Variants in DNAJC10 observed in about 807,000 individuals in gnomAD.
DNAJC10 encodes the protein endoplasmic reticulum disulfide reductase DNAJC10.
In DNAJC10, 101 loss-of-function variants were observed where a neutral mutation model predicts 115.0. That is an observed-to-expected ratio of 0.88 (90% CI 0.75 to 1.04). The LOEUF (loss-of-function observed/expected upper bound fraction) is 1.04, where lower values mean the gene tolerates loss of function less well. DNAJC10 is among the 50% of genes least tolerant of loss of function. The pLI, the probability that DNAJC10 is intolerant of heterozygous loss-of-function variation, is 0.00. For missense variants in DNAJC10, 981 were observed against 928.8 expected (o/e 1.06, Z -0.73); for synonymous variants, 307 against 301.5 (o/e 1.02, Z -0.19).
Position 182,740,322 on chromosome 2 carries a change from AGAAAT to A in DNAJC10, c.1012_1016del (p.Glu338IlefsTer7). ...AGTTTCTCAACTCATTGGATGCTAA[AGAAAT>A]ATATTTGGAAGTAATACATAATCTT... On this transcript the variant is annotated frameshift_variant, in exon 12 of 24. Transcript: ENST00000264065. LOFTEE classifies it high-confidence loss of function. The A allele has an allele frequency of 6.6e-7, 1 of 1,521,062 alleles. No individual in the cohort carries two copies. Among genetic ancestry groups the A allele is most frequent in the Non-Finnish European group, 8.9e-7 (1 of 1,123,212 alleles). 94.2% of individuals were successfully genotyped at this position (1,521,062 alleles called of 1,614,324 possible).
intron 16 of DNAJC10, chr2:182,754,778 G>T (rs1425394885): frequency 7.9e-7 from 1 of 1,258,632 alleles, no homozygotes. Context: ...TTCTCATGGC[G>T]AATGGAGCAG....
At position 182,787,358 on chromosome 2, in the gene DNAJC10, G is replaced by C. The variant is rs1025865415; in HGVS notation, c.*10226G>C. ...TGGAAGAAAATAGGGTGGGCCTACT[G>C]TCTCTTCCCACTGTTTACCTGGTGT... On this transcript the variant is annotated 3_prime_UTR_variant, in exon 24 of 24. Transcript: ENST00000264065. The C allele has an allele frequency of 2.0e-5, 3 of 152,182 alleles. No homozygotes were observed. Among genetic ancestry groups the C allele is most frequent in the Non-Finnish European group, 4.4e-5 (3 of 68,060 alleles). The allele number at this position is 152,182 out of a possible 1,614,324, so 9.4% of individuals were successfully genotyped here.
At chr2:182,729,994 T>A in intron 8 of DNAJC10, 53 bp downstream of exon 8, 1 of 1,294,146 alleles carries the variant, frequency 7.7e-7, no homozygotes, top group Non-Finnish European at 1.1e-6. Flanking sequence ...GAAATCAGTA[T>A]TTTGTTTTTA....
chr2:182,758,227 G>C (rs1694205635), intron 19 of DNAJC10, among the ~76,000 whole-genome samples: 1 of 152,094 alleles, frequency 6.6e-6, no homozygotes, highest in African/African-American at 2.4e-5. Flanking sequence ...CCAAGGTCTA[G>C]GAGTTATCTA....
rs746342102 is a variant in DNAJC10 at position 182,759,187 on chromosome 2, A to G, written c.2025A>G (p.Leu675=). The G allele has an allele frequency of 3.1e-6, 5 of 1,601,396 alleles. No individual in the cohort carries two copies. Among genetic ancestry groups the G allele is most frequent in the Admixed American group, 3.6e-5 (2 of 55,862 alleles). The stretch of plus-strand genomic sequence containing the variant: ...TTTTACCTCAAGTATCCACAGATCT[A>G]ACACCTCAGACTTTCAGTGAAAAAG... The part of the protein sequence containing the change: ...LGFLPQVSTD[L]TPQTFSEKVL... Residue 675 remains leucine (L), a synonymous_variant, in exon 21 of 24, where the codon CTA becomes CTG. Coordinates refer to ENST00000264065, the MANE Select transcript of DNAJC10 (RefSeq NM_018981.4).
rs1477523005 is a variant in DNAJC10, at chr2:182,784,196, G to A, written c.*7064G>A. ...ACAAAAACTAGCTGGGCATGGAGGTGTGTGCCTGTAATCATCTACCCTGGA... is the reference window on the plus strand; with the variant it reads ...ACAAAAACTAGCTGGGCATGGAGGTATGTGCCTGTAATCATCTACCCTGGA... On this transcript the variant is annotated 3_prime_UTR_variant, in exon 24 of 24. Transcript: ENST00000264065. 1.3e-5 allele frequency: 2 copies of A among 152,028 alleles called. No individual in the cohort carries two copies. Among genetic ancestry groups the A allele is most frequent in the Non-Finnish European group, 2.9e-5 (2 of 68,010 alleles). The allele number at this position is 152,028 out of a possible 1,614,324, so 9.4% of individuals were successfully genotyped here. A position where few individuals can be genotyped will look rare whatever the true frequency, so the allele number is the denominator to read the frequency against.
At chr2:182,773,439 C>T (rs541048707) in intron 22 of DNAJC10, among the ~76,000 whole-genome samples, 11 of 152,262 alleles carry the variant, frequency 7.2e-5, no homozygotes, top group Middle Eastern at 3.4e-3. Context: ...AACTTGGTTC[C>T]ATTCTCCCCA....
intron 3 of DNAJC10, among the ~76,000 whole-genome samples, chr2:182,719,646 A>C (rs1693094294): frequency 6.6e-6 from 1 of 152,010 alleles, no homozygotes; most frequent in Non-Finnish European, 1.5e-5. Context: ...AAATGTATTG[A>C]TTTATAATTG....
rs910517492 is a variant in DNAJC10, at chr2:182,779,312, G to C, written c.*2180G>C. ...ATACAGTAGATAGAGCACCTCTAAG[G>C]AGTACCAGGTATAATGTGCCATTTC... is the stretch of plus-strand genomic sequence containing the variant. On this transcript the variant is annotated 3_prime_UTR_variant, in exon 24 of 24. Transcript: ENST00000264065. The C allele has an allele frequency of 6.6e-6, 1 of 152,174 alleles. No individual in the cohort carries two copies. Among genetic ancestry groups the C allele is most frequent in the African/African-American group, 2.4e-5 (1 of 41,434 alleles). The allele number at this position is 152,174 out of a possible 1,614,324, so 9.4% of individuals were successfully genotyped here.
rs762217677 is a variant in DNAJC10 at position 182,788,793 on chromosome 2, C to A, written c.*11661C>A. 3 of 455,712 alleles carry A rather than the reference C, an allele frequency of 6.6e-6. No individual in the cohort carries two copies. The highest frequency in any genetic ancestry group is 4.7e-5 in the South Asian group (3 of 64,022). The allele number at this position is 455,712 out of a possible 1,614,324, so 28.2% of individuals were successfully genotyped here. A position where few individuals can be genotyped will look rare whatever the true frequency, so the allele number is the denominator to read the frequency against. On this transcript the variant is annotated 3_prime_UTR_variant, in exon 24 of 24. Coordinates refer to ENST00000264065, the MANE Select transcript of DNAJC10 (RefSeq NM_018981.4). ...GAAGTTTTCTAAAATGGACTTCAAG[C>A]TCTATGACTTTATGATCACTTAGTA... is the stretch of plus-strand genomic sequence containing the variant.
rs1339925622 is a variant in DNAJC10 at position 182,758,829 on chromosome 2, TCTCTC to T, written c.1944-7_1944-3del. ...CCTATTTACAACTAACATTTTTTCTTCTCTCAGCAGTTACAATGGTTGGAATAGGG... is the reference window on the plus strand; with the variant it reads ...CCTATTTACAACTAACATTTTTTCTTAGCAGTTACAATGGTTGGAATAGGG... On this transcript the variant is annotated splice_polypyrimidine_tract_variant and splice_region_variant and intron_variant, in intron 19 of 23. Coordinates refer to ENST00000264065, the MANE Select transcript of DNAJC10 (RefSeq NM_018981.4). 6.2e-7 allele frequency: 1 copy of T among 1,600,360 alleles called. No homozygotes were observed. The highest frequency in any genetic ancestry group is 8.6e-7 in the Non-Finnish European group (1 of 1,168,148).
At chr2:182,733,523 T>TA (rs1433719561) in intron 10 of DNAJC10, among the ~76,000 whole-genome samples, 9 of 151,696 alleles carry the variant, frequency 5.9e-5, no homozygotes, top group Non-Finnish European at 1.2e-4. Context: ...ATTTTTTTTT[T>TA]AATATTTGGT....
intron 10 of DNAJC10, among the ~76,000 whole-genome samples, chr2:182,733,929 A>C (rs140017189): frequency 1.3e-3 from 195 of 151,220 alleles, no homozygotes; most frequent in African/African-American, 4.6e-3. Context: ...ATAATATCCT[A>C]TTTTTTTATA....
rs903491001 is a variant in DNAJC10, at chr2:182,784,856, G to T, written c.*7724G>T. 1.3e-5 allele frequency: 2 copies of T among 152,086 alleles called. No individual in the cohort carries two copies. The highest frequency in any genetic ancestry group is 1.3e-4 in the Admixed American group (2 of 15,256). The allele number at this position is 152,086 out of a possible 1,614,324, so 9.4% of individuals were successfully genotyped here. ...ATCCCTCTGATAGGCTTCCCTGAAG[G>T]ATTTTAAGCAGAAATAACATCAGGT... On this transcript the variant is annotated 3_prime_UTR_variant, in exon 24 of 24. Transcript: ENST00000264065.
At position 182,729,888 on chromosome 2, in the gene DNAJC10, T is replaced by G; in HGVS notation, c.674T>G (p.Leu225Ter). The G allele has an allele frequency of 6.2e-7, 1 of 1,611,190 alleles. No homozygotes were observed. Among genetic ancestry groups the G allele is most frequent in the Non-Finnish European group, 8.5e-7 (1 of 1,178,716 alleles). Residue 225 changes from leucine (L) to a stop codon, truncating the protein, a stop_gained, in exon 8 of 24, where the codon TTA (leucine) becomes TGA (stop). Coordinates refer to ENST00000264065, the MANE Select transcript of DNAJC10 (RefSeq NM_018981.4). LOFTEE classifies it high-confidence loss of function. ...CATGGAGACAGATCAAAGGAGAGTT[T>G]AGTGAGTTTTGCAATGCAGCATGTT... ...KYHGDRSKES[L>*]VSFAMQHVRS...
intron 2 of DNAJC10, among the ~76,000 whole-genome samples, chr2:182,717,573 G>A (rs1693026298): frequency 1.3e-5 from 2 of 152,172 alleles, no homozygotes; most frequent in African/African-American, 4.8e-5. Context: ...GCTTTAGGAG[G>A]TAAAGAAGTA....
intron 16 of DNAJC10, among the ~76,000 whole-genome samples, chr2:182,754,193 C>G (rs958848072): frequency 6.6e-6 from 1 of 152,114 alleles, no homozygotes; most frequent in East Asian, 1.9e-4. Context: ...GCTATAATTG[C>G]TTTGTTAATC....
At position 182,778,320 on chromosome 2, in the gene DNAJC10, A is replaced by AT. The variant is rs1694762719; in HGVS notation, c.*1193dup. ...AAATATTGACATAATAACTGAAGTT[A>AT]TTTTTATAAGAAAATCAAGTATATA... On this transcript the variant is annotated 3_prime_UTR_variant, in exon 24 of 24. Coordinates refer to ENST00000264065, the MANE Select transcript of DNAJC10 (RefSeq NM_018981.4). 1.3e-5 allele frequency: 2 copies of AT among 152,172 alleles called. No homozygotes were observed. The highest frequency in any genetic ancestry group is 4.8e-5 in the African/African-American group (2 of 41,450). 9.4% of individuals were successfully genotyped at this position (152,172 alleles called of 1,614,324 possible).
chr2:182,732,145 A>G (rs368496804), intron 9 of DNAJC10, among the ~76,000 whole-genome samples: 4 of 152,244 alleles, frequency 2.6e-5, no homozygotes, highest in African/African-American at 9.6e-5. Context: ...TCAAATATCT[A>G]TTACATTTTA....
Sources: gnomAD v4.1 joint callset for allele counts (sites outside exome capture counted in the v4.1 genomes callset) on GRCh38, gnomAD v4.1.1 for gene constraint, MANE v1.5 for transcripts, NCBI Gene and HGNC (gene_info 2026-07-23, HGNC 2026-07-21) for gene names.